Variants in PLCG2 observed in about 807,000 individuals in gnomAD.
PLCG2 encodes the protein phospholipase C gamma 2, also known as 1-phosphatidylinositol 4,5-bisphosphate phosphodiesterase gamma-2.
PLCG2 carries 69 observed loss-of-function variants against 175.6 expected under a neutral mutation model. That is an observed-to-expected ratio of 0.39 (90% CI 0.32 to 0.48). The LOEUF (loss-of-function observed/expected upper bound fraction) is 0.48. PLCG2 is among the 20% of genes least tolerant of loss of function. PLCG2 has a pLI of 0.91. For missense variants in PLCG2, 1,798 were observed against 1,650.9 expected (o/e 1.09, Z -1.54); for synonymous variants, 827 against 624.0 (o/e 1.33, Z -4.85).
chr16:81,848,740 G>A (rs138019296), intron 2 of PLCG2, among the ~76,000 whole-genome samples: 250 of 152,280 alleles, frequency 1.6e-3, no homozygotes, highest in African/African-American at 5.8e-3. Context: ...ACTCTGATAG[G>A]GGTGGAGCTC....
At chr16:81,956,079 C>A (rs1911555813) in intron 31 of PLCG2, among the ~76,000 whole-genome samples, 1 of 152,198 alleles carries the variant, frequency 6.6e-6, no homozygotes, top group African/African-American at 2.4e-5. Context: ...CCCCCAGACC[C>A]CGGTGACCTT....
intron 2 of PLCG2, among the ~76,000 whole-genome samples, chr16:81,825,298 T>TTTTG (rs1905000434): frequency 6.9e-6 from 1 of 145,318 alleles, no homozygotes; most frequent in African/African-American, 2.6e-5. Flanking sequence ...TTTTTTTTTT[T>TTTTG]TTTTTTTTGA....
At chr16:81,826,838 G>T (rs964543798) in intron 2 of PLCG2, among the ~76,000 whole-genome samples, 5 of 152,212 alleles carry the variant, frequency 3.3e-5, no homozygotes, top group African/African-American at 1.2e-4. Context: ...AAGGCTGCCG[G>T]AGACAATTTT....
chr16:81,847,759 T>G (rs1397522099), intron 2 of PLCG2, among the ~76,000 whole-genome samples: 2 of 152,202 alleles, frequency 1.3e-5, no homozygotes, highest in African/African-American at 4.8e-5. Flanking sequence ...TTACATAACA[T>G]TTACATTGTA....
intron 2 of PLCG2, among the ~76,000 whole-genome samples, chr16:81,846,357 T>C (rs2143445212): frequency 6.6e-6 from 1 of 152,266 alleles, no homozygotes; most frequent in South Asian, 2.1e-4. Flanking sequence ...ACCACAGCCT[T>C]GTTTAGCTTT....
At chr16:81,787,393 A>ATTTTTTTTTTTTTTTTTTTTTTTT (rs67160306) in intron 2 of PLCG2, among the ~76,000 whole-genome samples, 1 of 94,582 alleles carries the variant, frequency 1.1e-5, no homozygotes, top group Non-Finnish European at 2.0e-5. Context: ...GGATAATTTA[A>ATTTTTTTTTTTTTTTTTTTTTTTT]TTTTTTTTTT....
intron 1 of PLCG2, among the ~76,000 whole-genome samples, chr16:81,743,065 C>G (rs998763203): frequency 2.0e-5 from 3 of 152,142 alleles, no homozygotes; most frequent in Non-Finnish European, 4.4e-5. Context: ...CTTTGGGATG[C>G]TGAAGTGGGG....
chr16:81,907,659 G>C, intron 15 of PLCG2, 26 bp from the exon 16 acceptor site: 1 of 1,557,046 alleles, frequency 6.4e-7, no homozygotes, highest in Non-Finnish European at 8.9e-7. Flanking sequence ...GACTTGGGGG[G>C]CACTAATACC....
intron 2 of PLCG2, among the ~76,000 whole-genome samples, chr16:81,786,493 T>A (rs1910978457): frequency 6.6e-6 from 1 of 152,172 alleles, no homozygotes; most frequent in Admixed American, 6.5e-5. Context: ...GATCGTCTGG[T>A]TCCCACAACT....
intron 10 of PLCG2, 78 bp from the exon 11 acceptor site, chr16:81,891,394 T>G: frequency 1.2e-6 from 1 of 841,628 alleles, no homozygotes; most frequent in Non-Finnish European, 2.1e-6. Context: ...TCCCCCCTGG[T>G]GGGCGCAGAC....
intron 29 of PLCG2, 126 bp from the exon 30 acceptor site, chr16:81,939,766 C>T (rs927463383): frequency 1.6e-6 from 1 of 643,940 alleles, no homozygotes; most frequent in Non-Finnish European, 2.8e-6. Context: ...TTTCTTAGAT[C>T]TTGGCATAGA....
rs76895653 is a variant in PLCG2, at chr16:81,771,224, A to T, written c.-47-14719A>T. 5.1e-3 allele frequency among the ~76,000 whole-genome samples: 771 copies of T among 152,230 alleles called. 3 individuals carry two copies. Among genetic ancestry groups the T allele is most frequent in the African/African-American group, 0.017 (721 of 41,540 alleles). ...TGCCTCCAAGGCAGTGAGATTCTCT[A>T]TTCTGACTTCTTTTTGTGTGTGAGA... On this transcript the variant is annotated intron_variant, in intron 2 of 5. Coordinates refer to the PLCG2 transcript ENST00000565054.
chr16:81,800,020 T>C (rs1019485447), intron 2 of PLCG2, among the ~76,000 whole-genome samples: 6 of 152,220 alleles, frequency 3.9e-5, no homozygotes, highest in African/African-American at 7.2e-5. Context: ...CTTATCCCAT[T>C]TGTGGCCATG....
At chr16:81,918,431 A>C (rs373950814) in intron 19 of PLCG2, among the ~76,000 whole-genome samples, 1 of 152,166 alleles carries the variant, frequency 6.6e-6, no homozygotes, top group Non-Finnish European at 1.5e-5. Context: ...TATTATTTCT[A>C]TATAGGAATT....
intron 1 of PLCG2, among the ~76,000 whole-genome samples, chr16:81,785,397 G>A (rs570531747): frequency 6.6e-6 from 1 of 152,248 alleles, no homozygotes; most frequent in Admixed American, 6.5e-5. Context: ...GCCAAGACCT[G>A]ACATTTCCTG....
Position 81,816,651 on chromosome 16 carries a change from ATTTTTTTTTT to A in PLCG2, c.193+30490_193+30499del, listed in dbSNP as rs71146047. On this transcript the variant is annotated intron_variant, in intron 2 of 32. Transcript: ENST00000564138. ...GCACCACCATGCCCAGCTAATTTTA[ATTTTTTTTTT>A]TTTTTTTTTTTTTTTTTTTTAGTAG... Among the ~76,000 whole-genome samples the A allele has an allele frequency of 1.0e-3, 110 of 108,878 alleles. 6 individuals carry two copies. The East Asian group carries it at 0.011, about 10-fold the overall frequency. 71.4% of individuals were successfully genotyped at this position (108,878 alleles called of 152,430 possible). A position where few individuals can be genotyped will look rare whatever the true frequency, so the allele number is the denominator to read the frequency against.
At chr16:81,770,672 A>G (rs981638970) in intron 2 of PLCG2, among the ~76,000 whole-genome samples, 1 of 151,964 alleles carries the variant, frequency 6.6e-6, no homozygotes, top group Admixed American at 6.6e-5. Flanking sequence ...GTGAGCTGAG[A>G]TTGCGCCACT....
At chr16:81,809,829 G>A (rs973336397) in intron 2 of PLCG2, among the ~76,000 whole-genome samples, 1 of 105,288 alleles carries the variant, frequency 9.5e-6, no homozygotes, top group Non-Finnish European at 1.8e-5. Context: ...TTTTGGCCGG[G>A]GCGGGGGGTG....
chr16:81,933,733 G>T (rs1471727528), intron 25 of PLCG2, among the ~76,000 whole-genome samples: 1 of 152,206 alleles, frequency 6.6e-6, no homozygotes, highest in Non-Finnish European at 1.5e-5. Context: ...CCCCCAAACA[G>T]TCACCATTAT....
Sources: gnomAD v4.1 joint callset for allele counts (sites outside exome capture counted in the v4.1 genomes callset) on GRCh38, gnomAD v4.1.1 for gene constraint, MANE v1.5 for transcripts, NCBI Gene and HGNC (gene_info 2026-07-23, HGNC 2026-07-21) for gene names.